The following SLC3A1 variants were observed in gnomAD, a reference collection of about 807,000 sequenced individuals.
SLC3A1 encodes the protein amino acid transporter heavy chain SLC3A1.
In SLC3A1, 78 loss-of-function variants were observed where a neutral mutation model predicts 60.3. That is an observed-to-expected ratio of 1.29 (90% CI 1.08 to 1.56). The LOEUF is 1.56. SLC3A1 is among the 40% of genes most tolerant of loss of function. The pLI, the probability that SLC3A1 is intolerant of heterozygous loss-of-function variation, is 0.00. For synonymous variants in SLC3A1, 392 were observed against 307.9 expected (o/e 1.27, Z -2.86); for missense variants, 1,172 against 858.9 (o/e 1.36, Z -4.56).
intron 3 of SLC3A1, 95 bp downstream of exon 3, chr2:44,281,636 GAATA>G (rs1671502610): frequency 1.7e-6 from 2 of 1,202,658 alleles, no homozygotes; most frequent in Non-Finnish European, 2.5e-6. Flanking sequence ...AAAAATGAAT[GAATA>G]TAGTTTATCG....
chr2:44,286,028 C>T lies in SLC3A1; in HGVS notation c.766-4C>T. ...ACTGATGTGCTGTTTTCTTTGTTTG[C>T]CAGTTAAGTGTGTATGGAAACTCCA... On this transcript the variant is annotated splice_polypyrimidine_tract_variant and splice_region_variant and intron_variant, in intron 3 of 9. Coordinates refer to ENST00000260649, the MANE Select transcript of SLC3A1 (RefSeq NM_000341.4). 1 of 1,614,026 alleles carries T rather than the reference C, an allele frequency of 6.2e-7. No individual in the cohort carries two copies. Among genetic ancestry groups the T allele is most frequent in the Non-Finnish European group, 8.5e-7 (1 of 1,179,938 alleles).
intron 3 of SLC3A1, chr2:44,285,667 T>C (rs1179770579): frequency 2.0e-6 from 1 of 488,386 alleles, no homozygotes; most frequent in South Asian, 1.5e-5. Flanking sequence ...TTCTTCCAAA[T>C]TGACTACCAT....
At chr2:44,312,810 T>G in intron 8 of SLC3A1, 57 bp downstream of exon 8, 2 of 1,480,036 alleles carry the variant, frequency 1.4e-6, no homozygotes, top group South Asian at 2.3e-5. Flanking sequence ...TATTCATTTT[T>G]TATTTTTTGC....
intron 3 of SLC3A1, 167 bp from the exon 4 acceptor site, chr2:44,285,864 TG>T: frequency 1.2e-6 from 1 of 826,860 alleles, no homozygotes; most frequent in Admixed American, 1.9e-5. Context: ...ATTAGGCCAA[TG>T]GGGTGGGGGG....
chr2:44,304,168 G>GA lies in SLC3A1; in HGVS notation c.1163dup (p.Ser389GlufsTer3). 6.2e-7 allele frequency: 1 copy of GA among 1,614,124 alleles called. No homozygotes were observed. The highest frequency in any genetic ancestry group is 2.2e-5 in the East Asian group (1 of 44,882). Reference sequence around the variant, plus strand: ...GTTCATGGGGACTGAAGCCTATGCAGAGAGTATTGACAGGACCGTGATGTA... The same window carrying GA: ...GTTCATGGGGACTGAAGCCTATGCAGAAGAGTATTGACAGGACCGTGATGTA... On this transcript the variant is annotated frameshift_variant, in exon 7 of 10. Transcript: ENST00000260649. LOFTEE classifies it high-confidence loss of function.
intron 9 of SLC3A1, chr2:44,318,941 G>C (rs1169663563): frequency 6.6e-6 from 1 of 152,044 alleles, no homozygotes; most frequent in Non-Finnish European, 1.5e-5. Flanking sequence ...TGCAATTACA[G>C]AAAAAGACTT....
At chr2:44,280,616 C>T in intron 1 of SLC3A1, 100 bp from the exon 2 acceptor site, 3 of 827,230 alleles carry the variant, frequency 3.6e-6, no homozygotes, top group Admixed American at 2.4e-5. Flanking sequence ...GTATTTTTGC[C>T]TTCATGTAAA....
chr2:44,313,772 G>T, intron 8 of SLC3A1, 63 bp from the exon 9 acceptor site: 3 of 1,218,672 alleles, frequency 2.5e-6, no homozygotes, highest in South Asian at 2.4e-5. Context: ...AGTAAATCAG[G>T]ACCAAAGCAC....
At chr2:44,308,826 G>A (rs540304824) in intron 7 of SLC3A1, among the ~76,000 whole-genome samples, 1 of 151,782 alleles carries the variant, frequency 6.6e-6, no homozygotes, top group Non-Finnish European at 1.5e-5. Flanking sequence ...TCCGCCTCCC[G>A]GGTTCATGCC....
At chr2:44,300,899 G>A (rs923650651) in intron 5 of SLC3A1, 104 bp from the exon 6 acceptor site, 13 of 1,338,420 alleles carry the variant, frequency 9.7e-6, no homozygotes, top group African/African-American at 1.4e-5. Flanking sequence ...TGTGCGTCTC[G>A]CTTGGCTTGA....
chr2:44,287,790 C>G (rs1168310608), intron 4 of SLC3A1, among the ~76,000 whole-genome samples: 6 of 152,074 alleles, frequency 3.9e-5, no homozygotes, highest in Non-Finnish European at 5.9e-5. Flanking sequence ...GGGAAGGAGA[C>G]CCTAACAGAA....
At chr2:44,281,979 C>A (rs556637806) in intron 3 of SLC3A1, among the ~76,000 whole-genome samples, 3 of 152,228 alleles carry the variant, frequency 2.0e-5, no homozygotes, top group East Asian at 1.9e-4. Context: ...TCAAGCAATT[C>A]TCTTGCCTCA....
At chr2:44,311,947 C>T (rs138550334) in intron 7 of SLC3A1, among the ~76,000 whole-genome samples, 9 of 152,124 alleles carry the variant, frequency 5.9e-5, no homozygotes, top group Non-Finnish European at 1.2e-4. Context: ...AAGTAAAGTG[C>T]CATGCTCAGC....
At chr2:44,286,555 T>G (rs1671617654) in intron 4 of SLC3A1, among the ~76,000 whole-genome samples, 1 of 145,458 alleles carries the variant, frequency 6.9e-6, no homozygotes, top group Non-Finnish European at 1.5e-5. Flanking sequence ...GCGGTGCCTG[T>G]GACGGTGAGC....
At chr2:44,315,976 G>C (rs2104388825) in intron 9 of SLC3A1, among the ~76,000 whole-genome samples, 1 of 152,246 alleles carries the variant, frequency 6.6e-6, no homozygotes, top group South Asian at 2.1e-4. Flanking sequence ...ACTCAGCTCA[G>C]AGTCACAGAC....
chr2:44,314,194 T>A, intron 9 of SLC3A1: 1 of 983,664 alleles, frequency 1.0e-6, no homozygotes, highest in South Asian at 1.8e-5. Context: ...TTCATTGCAA[T>A]GACCTTTACT....
At chr2:44,309,536 A>T (rs1442021125) in intron 7 of SLC3A1, among the ~76,000 whole-genome samples, 1 of 152,080 alleles carries the variant, frequency 6.6e-6, no homozygotes, top group African/African-American at 2.4e-5. Flanking sequence ...TATCTGTTTA[A>T]GCCCCAGATT....
At chr2:44,301,822 G>C (rs1287962383) in intron 6 of SLC3A1, among the ~76,000 whole-genome samples, 1 of 151,844 alleles carries the variant, frequency 6.6e-6, no homozygotes, top group African/African-American at 2.4e-5. Context: ...CCAGCACTGT[G>C]TGAGGTCGAG....
chr2:44,319,937 A>G (rs2103636586), intron 9 of SLC3A1: 1 of 405,364 alleles, frequency 2.5e-6, no homozygotes, highest in East Asian at 4.8e-5. Context: ...GTCAAATTTG[A>G]TCTCTACAGA....
Sources: allele counts gnomAD v4.1 joint callset (sites outside exome capture counted in the v4.1 genomes callset), GRCh38; gene constraint gnomAD v4.1.1; transcripts MANE v1.5; gene names NCBI Gene and HGNC (gene_info 2026-07-23, HGNC 2026-07-21).